Variants in AP2B1 observed in about 807,000 individuals in gnomAD.
The protein encoded by AP2B1 is adaptor related protein complex 2 subunit beta 1.
In AP2B1, 23 loss-of-function variants were observed where a neutral mutation model predicts 102.0. The observed-to-expected ratio is 0.23, with a 90% CI of 0.16 to 0.32. The LOEUF (loss-of-function observed/expected upper bound fraction) is 0.32. Ranked by LOEUF, AP2B1 falls within the 10% of genes least tolerant of loss-of-function variation. The pLI, the probability that AP2B1 is intolerant of heterozygous loss-of-function variation, is 1.00. For missense variants in AP2B1, 541 were observed against 1,157.4 expected (o/e 0.47, Z 7.73); for synonymous variants, 381 against 421.2 (o/e 0.90, Z 1.17).
intron 18 of AP2B1, among the ~76,000 whole-genome samples, chr17:35,701,779 CT>C (rs2076243922): frequency 6.6e-6 from 1 of 152,100 alleles, no homozygotes; most frequent in Non-Finnish European, 1.5e-5. Context: ...CTGCAGTCAG[CT>C]TTTTTTGTTT....
chr17:35,607,885 C>G, intron 4 of AP2B1: 2 of 439,022 alleles, frequency 4.6e-6, no homozygotes, highest in South Asian at 5.2e-5. Context: ...AAACCTCTGC[C>G]TGGCACTAGA....
chr17:35,674,828 T>A (rs2075666727), intron 17 of AP2B1, among the ~76,000 whole-genome samples: 1 of 152,244 alleles, frequency 6.6e-6, no homozygotes, highest in Non-Finnish European at 1.5e-5. Flanking sequence ...GGGAAACTCA[T>A]CCAAATGCGA....
chr17:35,617,745 C>G (rs1478439395), intron 5 of AP2B1, among the ~76,000 whole-genome samples: 1 of 152,150 alleles, frequency 6.6e-6, no homozygotes, highest in Non-Finnish European at 1.5e-5. Context: ...CTGGGGAATA[C>G]TTTACTCTTA....
chr17:35,628,489 G>C (rs2074375673), intron 9 of AP2B1, among the ~76,000 whole-genome samples: 1 of 152,182 alleles, frequency 6.6e-6, no homozygotes, highest in Non-Finnish European at 1.5e-5. Flanking sequence ...TGTAGTCCCA[G>C]CTACTTGGAA....
chr17:35,713,235 G>T (rs1555588403), intron 20 of AP2B1, among the ~76,000 whole-genome samples: 2 of 152,212 alleles, frequency 1.3e-5, no homozygotes, highest in East Asian at 1.9e-4. Flanking sequence ...CATGCTGTAG[G>T]TGCTCCAAAT....
chr17:35,603,144 C>T (rs2073545778), intron 3 of AP2B1, among the ~76,000 whole-genome samples: 1 of 152,078 alleles, frequency 6.6e-6, no homozygotes, highest in Admixed American at 6.5e-5. Flanking sequence ...ACTTCTGTAC[C>T]CTTTTGTGTA....
chr17:35,686,368 G>T (rs2075930946), intron 18 of AP2B1, among the ~76,000 whole-genome samples: 1 of 152,138 alleles, frequency 6.6e-6, no homozygotes, highest in Admixed American at 6.6e-5. Context: ...TCTGACTCTT[G>T]ATGTCCTTGT....
intron 6 of AP2B1, among the ~76,000 whole-genome samples, chr17:35,626,088 CAG>C (rs2074306072): frequency 6.6e-6 from 1 of 152,066 alleles, no homozygotes; most frequent in Admixed American, 6.6e-5. Flanking sequence ...AAACCCTTTT[CAG>C]AGAGTCCCTT....
chr17:35,598,572 C>T (rs1411700887), intron 3 of AP2B1, among the ~76,000 whole-genome samples: 1 of 152,152 alleles, frequency 6.6e-6, no homozygotes, highest in Admixed American at 6.5e-5. Flanking sequence ...AGTTTGATTT[C>T]ATTGCATTCA....
rs750861510 is a variant in AP2B1, at chr17:35,626,769, G to A, written c.865G>A (p.Val289Ile). Residue 289 changes from valine to isoleucine, a missense_variant, in exon 7 of 22, where the codon GTC becomes ATC. By Grantham distance (29) the Val-to-Ile change is conservative. Transcript: ENST00000610402. ...GCTGAAGAAGTTAGCCCCTCCACTTGTCACTTTGCTGTCTGGGGAGCCAGA... is the reference window on the plus strand; with the variant it reads ...GCTGAAGAAGTTAGCCCCTCCACTTATCACTTTGCTGTCTGGGGAGCCAGA... Reference protein sequence around the residue: ...MLLKKLAPPLVTLLSGEPEVQ... With the variant: ...MLLKKLAPPLITLLSGEPEVQ... 6.2e-7 allele frequency: 1 copy of A among 1,613,928 alleles called. No individual in the cohort carries two copies. Among genetic ancestry groups the A allele is most frequent in the East Asian group, 2.2e-5 (1 of 44,872 alleles).
At chr17:35,710,697 T>G (rs1555587089) in intron 20 of AP2B1, among the ~76,000 whole-genome samples, 1 of 152,234 alleles carries the variant, frequency 6.6e-6, no homozygotes, top group Non-Finnish European at 1.5e-5. Flanking sequence ...TTTTTGGTGT[T>G]GGAGGAAGGT....
intron 5 of AP2B1, among the ~76,000 whole-genome samples, chr17:35,613,811 A>G (rs1278239604): frequency 6.6e-6 from 1 of 152,218 alleles, no homozygotes; most frequent in South Asian, 2.1e-4. Context: ...TGTATGGACT[A>G]TCTGTTCCAA....
At chr17:35,671,049 G>A (rs1026652481) in intron 15 of AP2B1, 151 bp downstream of exon 15, 3 of 744,600 alleles carry the variant, frequency 4.0e-6, no homozygotes, top group African/African-American at 1.8e-5. Context: ...AAGTAGTATA[G>A]GGTTACTTGG....
chr17:35,600,163 C>T (rs1008782706), intron 3 of AP2B1, among the ~76,000 whole-genome samples: 1 of 152,076 alleles, frequency 6.6e-6, no homozygotes, highest in African/African-American at 2.4e-5. Context: ...CTCACTGCAA[C>T]CTCCGCCTCC....
In AP2B1 at chr17:35,641,942, G is replaced by T. The variant is rs1277882629; in HGVS notation, c.1503G>T (p.Glu501Asp). Residue 501 changes from glutamate (E) to aspartate (D), a missense_variant, in exon 12 of 22, where the codon GAG becomes GAT. Transcript: ENST00000610402. ...TCAAGAAACCATCAGAAACACAGGA[G>T]CTAGTCCAGCAGGTCTTGAGTTTGG... ...LFLKKPSETQ[E>D]LVQQVLSLAT... 6.2e-7 allele frequency: 1 copy of T among 1,612,494 alleles called. No individual in the cohort carries two copies. Among genetic ancestry groups the T allele is most frequent in the Non-Finnish European group, 8.5e-7 (1 of 1,178,792 alleles).
In AP2B1 at chr17:35,710,432, T is replaced by C. The variant is rs2076422789; in HGVS notation, c.2626+112T>C. Reference sequence around the variant, plus strand: ...TATCCTCCCCCGTATCTACTATGTTTCTAGTGGGTATATATGGTAGATGCA... The same window carrying C: ...TATCCTCCCCCGTATCTACTATGTTCCTAGTGGGTATATATGGTAGATGCA... On this transcript the variant is annotated intron_variant, in intron 20 of 21. Transcript: ENST00000610402. 9 of 718,834 alleles carry C rather than the reference T, an allele frequency of 1.3e-5. No homozygotes were observed. In the South Asian group the frequency reaches 1.4e-4, roughly 11 times the overall value. 44.5% of individuals were successfully genotyped at this position (718,834 alleles called of 1,614,324 possible). A position where few individuals can be genotyped will look rare whatever the true frequency, so the allele number is the denominator to read the frequency against.
At chr17:35,709,157 C>A in intron 18 of AP2B1, 67 bp from the exon 19 acceptor site, 4 of 1,353,424 alleles carry the variant, frequency 3.0e-6, no homozygotes, top group Admixed American at 1.7e-5. Flanking sequence ...CTAGACACAG[C>A]GCTGTTCTTT....
chr17:35,656,516 C>A (rs192296950), intron 13 of AP2B1, among the ~76,000 whole-genome samples: 1 of 152,318 alleles, frequency 6.6e-6, no homozygotes, highest in East Asian at 1.9e-4. Flanking sequence ...CACACAGGTG[C>A]TAGAATAATG....
intron 14 of AP2B1, chr17:35,660,059 GA>G (rs1416021645): frequency 6.1e-6 from 6 of 985,124 alleles, no homozygotes; most frequent in Non-Finnish European, 7.2e-6. Flanking sequence ...GCCATTTTTT[GA>G]ATGCATCCTT....
Sources: gnomAD v4.1 joint callset for allele counts (sites outside exome capture counted in the v4.1 genomes callset) on GRCh38, gnomAD v4.1.1 for gene constraint, MANE v1.5 for transcripts, NCBI Gene and HGNC (gene_info 2026-07-23, HGNC 2026-07-21) for gene names.